FGF12: variants seen among roughly 807,000 people sequenced by gnomAD.
The protein encoded by FGF12 is fibroblast growth factor 12, also known as fibroblast growth factor 12B.
In FGF12, 14 loss-of-function variants were observed where a neutral mutation model predicts 23.6. The ratio of observed to expected loss-of-function variants is 0.59; its 90% CI spans 0.39 to 0.93. The LOEUF (loss-of-function observed/expected upper bound fraction) is 0.93, where lower values mean the gene tolerates loss of function less well. Among genes scored for constraint, FGF12 ranks in the 40% least tolerant of loss-of-function variants. The pLI is 0.00. For synonymous variants in FGF12, 62 were observed against 77.3 expected (o/e 0.80, Z 1.04); for missense variants, 175 against 217.8 (o/e 0.80, Z 1.24).
intron 2 of FGF12, among the ~76,000 whole-genome samples, chr3:192,689,318 T>C (rs1361023571): frequency 6.6e-6 from 1 of 152,184 alleles, no homozygotes; most frequent in Non-Finnish European, 1.5e-5. Context: ...TTACACATTC[T>C]ATGTATGTAA....
intron 2 of FGF12, among the ~76,000 whole-genome samples, chr3:192,724,757 T>C (rs1231930198): frequency 6.6e-6 from 1 of 152,166 alleles, no homozygotes; most frequent in Non-Finnish European, 1.5e-5. Context: ...TATTTGTAAA[T>C]AGCTGAAGTT....
At chr3:192,375,031 C>T (rs1719418263) in intron 2 of FGF12, among the ~76,000 whole-genome samples, 1 of 152,064 alleles carries the variant, frequency 6.6e-6, no homozygotes, top group Admixed American at 6.6e-5. Flanking sequence ...TGCCTGTACT[C>T]CCTCTGTAAA....
At chr3:192,383,303 G>A (rs1719904004) in intron 2 of FGF12, among the ~76,000 whole-genome samples, 1 of 152,164 alleles carries the variant, frequency 6.6e-6, no homozygotes, top group African/African-American at 2.4e-5. Context: ...TGGAGCCAAT[G>A]GGGAGGCTGC....
chr3:192,140,218 A>G lies in FGF12; in HGVS notation c.*3791T>C, dbSNP rs1395388965. The G allele has an allele frequency of 1.3e-5, 2 of 152,102 alleles. No individual in the cohort carries two copies. The highest frequency in any genetic ancestry group is 4.8e-5 in the African/African-American group (2 of 41,450). 9.4% of individuals were successfully genotyped at this position (152,102 alleles called of 1,614,324 possible). ...GAAGCATATGTATATATACACATAT[A>G]TATTTGTAGAACAATCCACTGTTTT... On this transcript the variant is annotated 3_prime_UTR_variant, in exon 6 of 6. Coordinates refer to ENST00000445105, the MANE Select transcript of FGF12 (RefSeq NM_004113.6).
At chr3:192,430,036 T>C (rs910129131) in intron 2 of FGF12, among the ~76,000 whole-genome samples, 1 of 152,164 alleles carries the variant, frequency 6.6e-6, no homozygotes, top group South Asian at 2.1e-4. Flanking sequence ...TTTGGAAGTA[T>C]TATAATTACC....
chr3:192,721,886 G>A (rs964281979), intron 2 of FGF12, among the ~76,000 whole-genome samples: 1 of 152,150 alleles, frequency 6.6e-6, no homozygotes, highest in Non-Finnish European at 1.5e-5. Context: ...TGCCTCTTTG[G>A]AGCTCATTAA....
intron 2 of FGF12, among the ~76,000 whole-genome samples, chr3:192,421,435 A>C (rs1721523252): frequency 6.6e-6 from 1 of 152,118 alleles, no homozygotes; most frequent in African/African-American, 2.4e-5. Context: ...TTGAAAAAAA[A>C]AAAATGGCTT....
chr3:192,605,145 G>A (rs749651917), intron 2 of FGF12, among the ~76,000 whole-genome samples: 3 of 152,098 alleles, frequency 2.0e-5, no homozygotes, highest in Non-Finnish European at 2.9e-5. Context: ...TTGGGAGGTC[G>A]AGATAGGCGG....
intron 4 of FGF12, among the ~76,000 whole-genome samples, chr3:192,237,524 G>A (rs987835775): frequency 6.6e-6 from 1 of 152,092 alleles, no homozygotes; most frequent in Non-Finnish European, 1.5e-5. Context: ...CAGAGCTTTT[G>A]TTCATTTTTC....
intron 4 of FGF12, among the ~76,000 whole-genome samples, chr3:192,235,725 T>C (rs1560203469): frequency 1.3e-5 from 2 of 152,198 alleles, no homozygotes; most frequent in Non-Finnish European, 2.9e-5. Flanking sequence ...TTGTCATTTC[T>C]GATTGTGTTT....
rs114326977 is a variant in FGF12, at chr3:192,585,087, G to T, written c.13+142094C>A. Among the ~76,000 whole-genome samples, 600 of 152,234 alleles carry T rather than the reference G, an allele frequency of 3.9e-3. 8 individuals are homozygous for T. Among genetic ancestry groups the T allele is most frequent in the Admixed American group, 0.014 (215 of 15,284 alleles). On this transcript the variant is annotated intron_variant, in intron 2 of 5. Transcript: ENST00000445105. ...TGCATTCAACATCAAGTGAGAAAAA[G>T]TTACCCTGCTTTCAATAAAGTAATG...
intron 4 of FGF12, among the ~76,000 whole-genome samples, chr3:192,277,147 G>A (rs956002166): frequency 1.3e-5 from 2 of 152,158 alleles, no homozygotes; most frequent in African/African-American, 4.8e-5. Flanking sequence ...CCTTAAGGCA[G>A]CAGAGGAAAA....
At chr3:192,181,501 T>A (rs1716172455) in intron 4 of FGF12, among the ~76,000 whole-genome samples, 1 of 152,128 alleles carries the variant, frequency 6.6e-6, no homozygotes, top group African/African-American at 2.4e-5. Flanking sequence ...CAATGTTTTT[T>A]ATAAATGTCT....
intron 2 of FGF12, among the ~76,000 whole-genome samples, chr3:192,657,639 G>A (rs1716488539): frequency 6.6e-6 from 1 of 152,044 alleles, no homozygotes; most frequent in Non-Finnish European, 1.5e-5. Context: ...ATGAGATTCG[G>A]ACTCATGTGG....
chr3:192,144,833 T>C (rs1713607060), intron 5 of FGF12, among the ~76,000 whole-genome samples: 2 of 152,236 alleles, frequency 1.3e-5, no homozygotes, highest in Non-Finnish European at 2.9e-5. Flanking sequence ...TCCTAGATAA[T>C]TGTTTAGAAA....
At chr3:192,542,307 A>G (rs1011411449) in intron 2 of FGF12, among the ~76,000 whole-genome samples, 2 of 152,112 alleles carry the variant, frequency 1.3e-5, no homozygotes, top group South Asian at 2.1e-4. Context: ...CAGTATTTCA[A>G]TTGCAGTTTT....
intron 4 of FGF12, among the ~76,000 whole-genome samples, chr3:192,222,942 T>A (rs1480110827): frequency 1.3e-5 from 2 of 152,158 alleles, no homozygotes; most frequent in Non-Finnish European, 2.9e-5. Flanking sequence ...AGGATGCAGT[T>A]GAGAAACTCC....
chr3:192,362,386 C>G (rs1037485771), intron 2 of FGF12, among the ~76,000 whole-genome samples: 1 of 152,110 alleles, frequency 6.6e-6, no homozygotes, highest in African/African-American at 2.4e-5. Flanking sequence ...ATCCCTCCCC[C>G]ACCCCTCCAC....
chr3:192,548,035 A>G (rs949989895), intron 2 of FGF12, among the ~76,000 whole-genome samples: 2 of 152,208 alleles, frequency 1.3e-5, no homozygotes, highest in Non-Finnish European at 2.9e-5. Context: ...CAACTACTAC[A>G]GGATTTGAAA....
Sources: gnomAD v4.1 joint callset for allele counts (sites outside exome capture counted in the v4.1 genomes callset) on GRCh38, gnomAD v4.1.1 for gene constraint, MANE v1.5 for transcripts, NCBI Gene and HGNC (gene_info 2026-07-23, HGNC 2026-07-21) for gene names.